Variants in GLYATL1 observed in about 807,000 individuals in gnomAD.
The protein encoded by GLYATL1 is glycine N-acyltransferase-like protein 1.
In GLYATL1, 15 loss-of-function variants were observed where a neutral mutation model predicts 20.0. That is an observed-to-expected ratio of 0.75 (90% CI 0.50 to 1.15). The LOEUF (loss-of-function observed/expected upper bound fraction) is 1.15. GLYATL1 is among the 50% of genes most tolerant of loss of function. The pLI, the probability that GLYATL1 is intolerant of heterozygous loss-of-function variation, is 0.00. For missense variants in GLYATL1, 380 were observed against 368.5 expected, an observed-to-expected ratio of 1.03 and a Z score of -0.26; for synonymous variants, 151 against 131.5, an observed-to-expected ratio of 1.15 and a Z score of -1.01.
intron 3 of GLYATL1, 23 bp downstream of exon 3, chr11:58,947,188 G>A: frequency 6.2e-7 from 1 of 1,611,394 alleles, no homozygotes; most frequent in African/African-American, 1.3e-5. Context: ...TGGGAGGTCA[G>A]GGTATGGGAG....
Position 58,943,669 on chromosome 11 carries a change from A to G in GLYATL1, c.-43+3A>G. On this transcript the variant is annotated splice_donor_region_variant and intron_variant, in intron 2 of 6. Coordinates refer to ENST00000532726, the MANE Select transcript of GLYATL1 (RefSeq NM_001389712.2). ...CTCAGAGTGGCTGAGGATAATAGGT[A>G]AGCTCCCTCTCGCATTTTGGAGCTT... 6.2e-7 allele frequency: 1 copy of G among 1,612,092 alleles called. No individual in the cohort carries two copies. Among genetic ancestry groups the G allele is most frequent in the Non-Finnish European group, 8.5e-7 (1 of 1,179,138 alleles).
At chr11:58,927,850 C>G (rs1360427333) in intron 1 of GLYATL1, 1 of 152,160 alleles carries the variant, frequency 6.6e-6, no homozygotes, top group African/African-American at 2.4e-5. Flanking sequence ...CTTTTCCTCT[C>G]TGTTAATTCC....
chr11:58,920,087 G>A (rs1855272522), intron 1 of GLYATL1, among the ~76,000 whole-genome samples: 1 of 152,152 alleles, frequency 6.6e-6, no homozygotes, highest in Non-Finnish European at 1.5e-5. Context: ...TCTCTAGAAG[G>A]CAGAGCTGCC....
intron 1 of GLYATL1, chr11:58,943,308 CTG>C (rs1856306938): frequency 1.3e-6 from 2 of 1,550,678 alleles, no homozygotes; most frequent in Non-Finnish European, 1.7e-6. Flanking sequence ...AATGTTCAAA[CTG>C]TGTTCAAATA....
chr11:58,939,194 A>G (rs923604754), upstream of GLYATL1, among the ~76,000 whole-genome samples: 1 of 152,170 alleles, frequency 6.6e-6, no homozygotes, highest in East Asian at 1.9e-4. Flanking sequence ...CATCCAGACA[A>G]TGGGACACCA....
At chr11:58,917,223 C>T (rs1301892885) in intron 1 of GLYATL1, 1 of 152,404 alleles carries the variant, frequency 6.6e-6, no homozygotes, top group Non-Finnish European at 1.5e-5. Context: ...GGGCATCTCT[C>T]TCCTTGCCAG....
chr11:58,955,891 A>G lies in GLYATL1; in HGVS notation c.773A>G (p.Lys258Arg). ...CGATACATGAAATATCTGCGTCAGAAGAATATTCCATTTTACATCTCTGTG... is the reference window on the plus strand; with the variant it reads ...CGATACATGAAATATCTGCGTCAGAGGAATATTCCATTTTACATCTCTGTG... ...MVRYMKYLRQ[K>R]NIPFYISVLE... Residue 258 changes from lysine to arginine, a missense_variant, in exon 7 of 7, where the codon AAG becomes AGG. Lys to Arg is a conservative substitution (Grantham distance 26). Transcript: ENST00000532726. 6.2e-7 allele frequency: 1 copy of G among 1,614,212 alleles called. No individual in the cohort carries two copies. The highest frequency in any genetic ancestry group is 1.3e-5 in the African/African-American group (1 of 75,044).
At chr11:58,952,722 TGGTA>T (rs1204588154) in intron 4 of GLYATL1, among the ~76,000 whole-genome samples, 2 of 152,188 alleles carry the variant, frequency 1.3e-5, no homozygotes, top group Non-Finnish European at 2.9e-5. Context: ...CTCCACCCTC[TGGTA>T]GTCCACACTG....
At chr11:58,924,380 A>G (rs1855377379), upstream of GLYATL1, among the ~76,000 whole-genome samples, 1 of 152,178 alleles carries the variant, frequency 6.6e-6, no homozygotes, top group Admixed American at 6.5e-5. Context: ...GGAAGCCTCT[A>G]TTGTCCCTAG....
intron 1 of GLYATL1, among the ~76,000 whole-genome samples, chr11:58,941,170 C>T (rs487920): frequency 0.32 from 44,523 of 141,042 alleles, 7,790 homozygotes; most frequent in Non-Finnish European, 0.39. Flanking sequence ...AGGTATATCT[C>T]CTAATGCTAT....
chr11:58,924,105 CAA>C (rs1472094435), upstream of GLYATL1, among the ~76,000 whole-genome samples: 1 of 152,150 alleles, frequency 6.6e-6, no homozygotes, highest in Non-Finnish European at 1.5e-5. Flanking sequence ...GCCTGCACAC[CAA>C]GAGAGGTTTG....
At chr11:58,948,753 T>G (rs189434049) in intron 4 of GLYATL1, among the ~76,000 whole-genome samples, 11 of 152,332 alleles carry the variant, frequency 7.2e-5, no homozygotes, top group Admixed American at 5.9e-4. Context: ...AATGTTATCA[T>G]CAGAACAATC....
intron 4 of GLYATL1, among the ~76,000 whole-genome samples, chr11:58,951,665 A>C (rs1965456564): frequency 6.6e-6 from 1 of 151,956 alleles, no homozygotes; most frequent in African/African-American, 2.4e-5. Flanking sequence ...ACTTTTTTTC[A>C]GTTTGCATTC....
At chr11:58,919,104 G>A (rs2156344) in intron 1 of GLYATL1, among the ~76,000 whole-genome samples, 23,780 of 152,172 alleles carry the variant, frequency 0.16, 2,032 homozygotes, top group East Asian at 0.31. Context: ...GGTTTGAAAC[G>A]GTATACAGTG....
intron 1 of GLYATL1, among the ~76,000 whole-genome samples, chr11:58,906,153 G>A (rs1590762502): frequency 6.6e-6 from 1 of 152,190 alleles, no homozygotes; most frequent in Admixed American, 6.5e-5. Flanking sequence ...GGAGTTAGGT[G>A]GATGGCCGGC....
upstream of GLYATL1, among the ~76,000 whole-genome samples, chr11:58,936,013 A>G (rs1483965480): frequency 2.0e-5 from 3 of 152,244 alleles, no homozygotes; most frequent in Non-Finnish European, 4.4e-5. Flanking sequence ...TATGACTTCT[A>G]TTTCAGGTTT....
intron 4 of GLYATL1, among the ~76,000 whole-genome samples, chr11:58,949,973 T>C (rs2135242920): frequency 6.7e-6 from 1 of 149,214 alleles, no homozygotes; most frequent in African/African-American, 2.5e-5. Context: ...CTCTCCTCCT[T>C]TCCTACCCCT....
In GLYATL1 at chr11:58,943,627, A is replaced by G. The variant is rs145329553; in HGVS notation, c.-82A>G. The G allele has an allele frequency of 2.3e-4, 377 of 1,613,600 alleles. 1 individual carries two copies. Among genetic ancestry groups the G allele is most frequent in the Non-Finnish European group, 2.7e-4 (320 of 1,179,606 alleles). On this transcript the variant is annotated 5_prime_UTR_variant, in exon 2 of 7. Coordinates refer to ENST00000532726, the MANE Select transcript of GLYATL1 (RefSeq NM_001389712.2). ...ACACGGAAGGTACCTGCAGGATCCA[A>G]TTGTGTCCATTGATCTCTCAGAGTG...
rs781728653 is a variant in GLYATL1 at position 58,955,977 on chromosome 11, T to C, written c.859T>C (p.Cys287Arg). 1.9e-6 allele frequency: 3 copies of C among 1,613,798 alleles called. No homozygotes were observed. In the African/African-American group the frequency reaches 4.0e-5, roughly 22 times the overall value. The change falls in exon 7 of 7, where the codon TGT becomes CGT. Residue 287 changes from cysteine to arginine, a missense_variant. Cys to Arg is a radical substitution (Grantham distance 180). Transcript: ENST00000532726. ...GCAGTTTGGTTTCTTTGAGGCCTCC[T>C]GTGAGTGGCACCAATGGACTTGCTA... ...VGQFGFFEAS[C>R]EWHQWTCYPQ...
Sources: allele counts gnomAD v4.1 joint callset (sites outside exome capture counted in the v4.1 genomes callset), GRCh38; gene constraint gnomAD v4.1.1; transcripts MANE v1.5; gene names NCBI Gene and HGNC (gene_info 2026-07-23, HGNC 2026-07-21).